Variants in RFX8 observed in about 807,000 individuals in gnomAD.
RFX8 encodes the protein DNA-binding protein RFX8.
A neutral mutation model predicts 54.6 loss-of-function variants in RFX8; 46 were observed. The ratio of observed to expected loss-of-function variants is 0.84; its 90% CI spans 0.67 to 1.08. The LOEUF is 1.08. Ranked by LOEUF, RFX8 falls within the 50% of genes least tolerant of loss-of-function variation. RFX8 has a pLI of 0.00. For missense variants in RFX8, 536 were observed against 562.3 expected (o/e 0.95, Z 0.47); for synonymous variants, 192 against 209.5 (o/e 0.92, Z 0.72).
At chr2:101,448,324 T>A (rs944139440) in intron 2 of RFX8, among the ~76,000 whole-genome samples, 1 of 152,144 alleles carries the variant, frequency 6.6e-6, no homozygotes, top group Non-Finnish European at 1.5e-5. Context: ...GAACTTTCCC[T>A]CCAGATTCAT....
chr2:101,462,115 A>C (rs1484738097), intron 2 of RFX8, among the ~76,000 whole-genome samples: 1 of 152,104 alleles, frequency 6.6e-6, no homozygotes, highest in Non-Finnish European at 1.5e-5. Context: ...ATTACAAACA[A>C]CCTATATTTC....
intron 9 of RFX8, 109 bp downstream of exon 9, chr2:101,410,510 A>AT (rs765856183): frequency 1.9e-5 from 12 of 646,706 alleles, no homozygotes; most frequent in Non-Finnish European, 3.3e-5. Flanking sequence ...GCTTTGACAC[A>AT]TTTCCGACCA....
chr2:101,408,481 T>A (rs1371514144), intron 9 of RFX8, among the ~76,000 whole-genome samples: 1 of 109,440 alleles, frequency 9.1e-6, no homozygotes, highest in African/African-American at 3.1e-5. Context: ...AGACTCCGTC[T>A]CAAAAAAAAA....
chr2:101,409,020 T>G (rs1685930126), intron 9 of RFX8, among the ~76,000 whole-genome samples: 1 of 152,150 alleles, frequency 6.6e-6, no homozygotes, highest in South Asian at 2.1e-4. Context: ...GACTGCTCCT[T>G]CCTTCCTGGG....
intron 1 of RFX8, among the ~76,000 whole-genome samples, chr2:101,473,771 G>T (rs183235163): frequency 6.6e-6 from 1 of 152,136 alleles, no homozygotes; most frequent in African/African-American, 2.4e-5. Context: ...TTCACAATGC[G>T]GAATGCATTG....
intron 1 of RFX8, among the ~76,000 whole-genome samples, chr2:101,469,123 A>AC (rs1689825966): frequency 1.9e-5 from 2 of 105,602 alleles, no homozygotes; most frequent in South Asian, 2.7e-4. Context: ...TATATATATA[A>AC]GTATATATAT....
In RFX8 at chr2:101,473,504, C is replaced by T. The variant is rs374511830; in HGVS notation, c.-53+1132G>A. On this transcript the variant is annotated intron_variant, in intron 1 of 11. Coordinates refer to ENST00000428343, the MANE Select transcript of RFX8 (RefSeq NM_001145664.2). ...CCTGCCAGGGTTATAATCACAAACA[C>T]GCCCTTCATTTTTGTTTCACTCACA... Among the ~76,000 whole-genome samples the T allele has an allele frequency of 3.2e-3, 484 of 152,250 alleles. 4 individuals carry two copies. The highest frequency in any genetic ancestry group is 0.011 in the African/African-American group (456 of 41,540).
chr2:101,412,971 G>C lies in RFX8; in HGVS notation c.662C>G (p.Ala221Gly), dbSNP rs1442266053. The part of the protein sequence containing the change: ...NQGTLATSKK[A>G]LASDRSGADE... The stretch of plus-strand genomic sequence containing the variant: ...TGCGCCACTCCGGTCACTTGCCAGG[G>C]CTTTCTTAGAAGTAGCCAAAGTGCC... Residue 221 changes from alanine to glycine, a missense_variant, in exon 8 of 12, where the codon GCC becomes GGC. Ala to Gly is a moderately conservative substitution (Grantham distance 60, BLOSUM62 0). Transcript: ENST00000428343. The C allele has an allele frequency of 6.4e-7, 1 of 1,551,744 alleles. No individual in the cohort carries two copies. The highest frequency in any genetic ancestry group is 2.4e-5 in the East Asian group (1 of 40,932).
intron 2 of RFX8, among the ~76,000 whole-genome samples, chr2:101,439,376 G>A (rs1044740670): frequency 2.0e-5 from 3 of 152,122 alleles, no homozygotes; most frequent in Non-Finnish European, 4.4e-5. Flanking sequence ...AAGAGCAAAA[G>A]TTTTGATTTT....
intron 11 of RFX8, among the ~76,000 whole-genome samples, chr2:101,401,105 GA>G (rs1446951178): frequency 1.3e-5 from 2 of 152,162 alleles, no homozygotes; most frequent in Non-Finnish European, 2.9e-5. Context: ...ACTCGTGGAG[GA>G]GGTGAGTTTC....
chr2:101,402,350 A>T, intron 11 of RFX8, 86 bp downstream of exon 11: 2 of 1,160,524 alleles, frequency 1.7e-6, no homozygotes, highest in Non-Finnish European at 2.4e-6. Flanking sequence ...TTGTTTGGAC[A>T]AAGTGATCTT....
Position 101,402,456 on chromosome 2 carries a change from C to A in RFX8, c.1225G>T (p.Asp409Tyr), listed in dbSNP as rs1374265691. 6.5e-7 allele frequency: 1 copy of A among 1,549,514 alleles called. No individual in the cohort carries two copies. The highest frequency in any genetic ancestry group is 2.0e-5 in the Admixed American group (1 of 50,970). Residue 409 changes from aspartate (D) to tyrosine (Y), a missense_variant, in exon 11 of 12, where the codon GAC becomes TAC. Transcript: ENST00000428343. ...MVLRILGFLV[D>Y]TAMGNKLIQV... ...CCTACCTTATTGCCCATGGCAGTGT[C>A]CACCAGGAAGCCCAGGATCCTGAGG...
intron 2 of RFX8, among the ~76,000 whole-genome samples, chr2:101,437,204 C>T (rs6543055): frequency 0.76 from 115,067 of 152,040 alleles, 44,505 homozygotes; most frequent in Middle Eastern, 0.88. Context: ...CTTTGGGAGG[C>T]TGAGGCAGGA....
chr2:101,411,669 C>T (rs543403124), intron 8 of RFX8, among the ~76,000 whole-genome samples: 133 of 152,132 alleles, frequency 8.7e-4, no homozygotes, highest in African/African-American at 3.0e-3. Flanking sequence ...TGAAGCCTGC[C>T]AGATTAGGTG....
At position 101,405,759 on chromosome 2, in the gene RFX8, T is replaced by C. The variant is rs78670851; in HGVS notation, c.928+184A>G. 8.3e-3 allele frequency among the ~76,000 whole-genome samples: 1,259 copies of C among 152,260 alleles called. 15 individuals carry two copies. The highest frequency in any genetic ancestry group is 0.027 in the African/African-American group (1,123 of 41,544). ...CATGGTCCATCTGTTTGACAGACTA[T>C]CACACTGACACTAAAAATAAAAATT... On this transcript the variant is annotated intron_variant, in intron 10 of 11. Transcript: ENST00000428343.
chr2:101,435,060 C>A (rs1687698505), intron 2 of RFX8: 1 of 152,324 alleles, frequency 6.6e-6, no homozygotes, highest in Non-Finnish European at 1.5e-5. Flanking sequence ...TGAACCCGCT[C>A]GCCGCCAGCG....
At chr2:101,469,674 A>C (rs1211684941) in intron 1 of RFX8, among the ~76,000 whole-genome samples, 2 of 152,110 alleles carry the variant, frequency 1.3e-5, no homozygotes, top group Admixed American at 6.5e-5. Context: ...AATGAACTCT[A>C]GTTTTCCATG....
At chr2:101,407,424 G>A (rs1685801417) in intron 9 of RFX8, among the ~76,000 whole-genome samples, 1 of 152,226 alleles carries the variant, frequency 6.6e-6, no homozygotes, top group Admixed American at 6.5e-5. Flanking sequence ...GGGCACGGTG[G>A]CTCACGCCTA....
At position 101,405,289 on chromosome 2, in the gene RFX8, A is replaced by G. The variant is rs948818065; in HGVS notation, c.928+654T>C. Among the ~76,000 whole-genome samples, 4 of 151,900 alleles carry G rather than the reference A, an allele frequency of 2.6e-5. No homozygotes were observed. The Middle Eastern group carries it at 0.01, about 388-fold the overall frequency. On this transcript the variant is annotated intron_variant, in intron 10 of 11. Transcript: ENST00000428343. The stretch of plus-strand genomic sequence containing the variant: ...AAGCTCCTGAGTTGCTGGGATTACA[A>G]GCGTCCGCCACCGCGCCCGGCTAAT...
Sources: allele counts gnomAD v4.1 joint callset (sites outside exome capture counted in the v4.1 genomes callset), GRCh38; gene constraint gnomAD v4.1.1; transcripts MANE v1.5; gene names NCBI Gene and HGNC (gene_info 2026-07-23, HGNC 2026-07-21).